The following IL5RA variants were observed in gnomAD, a reference collection of about 807,000 sequenced individuals.
IL5RA encodes interleukin-5 receptor subunit alpha.
Under a neutral mutation model 50.0 loss-of-function variants are expected in IL5RA, and 49 were observed. The ratio of observed to expected loss-of-function variants is 0.98; its 90% CI spans 0.78 to 1.24. The LOEUF is 1.24. Among genes scored for constraint, IL5RA ranks in the 50% most tolerant of loss-of-function variants. IL5RA has a pLI of 0.00. For synonymous variants in IL5RA, 202 were observed against 174.0 expected, an observed-to-expected ratio of 1.16 and a Z score of -1.26; for missense variants, 600 against 500.4, an observed-to-expected ratio of 1.20 and a Z score of -1.90.
chr3:3,105,597 T>TG (rs1195687414), intron 2 of IL5RA: 1 of 151,114 alleles, frequency 6.6e-6, no homozygotes, highest in Non-Finnish European at 1.5e-5. Flanking sequence ...AGAGTGTTTT[T>TG]TTTGTTTGTT....
At chr3:3,105,338 G>C (rs1180557828) in intron 2 of IL5RA, 1 of 162,382 alleles carries the variant, frequency 6.2e-6, no homozygotes, top group Non-Finnish European at 1.3e-5. Context: ...ATGCCTGGTG[G>C]AACCCAAGGT....
intron 9 of IL5RA, among the ~76,000 whole-genome samples, chr3:3,079,025 C>T (rs754012546): frequency 4.6e-5 from 7 of 152,042 alleles, no homozygotes; most frequent in Admixed American, 6.6e-5. Flanking sequence ...ACCTTGAAAC[C>T]GAGTCCTCAG....
chr3:3,096,027 C>T (rs1703346750), intron 7 of IL5RA, among the ~76,000 whole-genome samples: 1 of 152,096 alleles, frequency 6.6e-6, no homozygotes, highest in African/African-American at 2.4e-5. Context: ...GCCTGTAATC[C>T]CAGCACTTTG....
Position 3,095,326 on chromosome 3 carries a change from T to C in IL5RA, c.828A>G (p.Ile276Met), listed in dbSNP as rs1703307387. The C allele has an allele frequency of 6.2e-7, 1 of 1,603,110 alleles. No individual in the cohort carries two copies. The highest frequency in any genetic ancestry group is 1.3e-5 in the African/African-American group (1 of 74,718). The change falls in exon 8 of 12, where the codon ATA (isoleucine) becomes ATG (methionine). Residue 276 changes from isoleucine to methionine, a missense_variant. Coordinates refer to ENST00000446632, the MANE Select transcript of IL5RA (RefSeq NM_175726.4). ...PIHCFDYEVK[I>M]HNTRNGYLQI... ...GCAAATATCCATTCCTTGTATTGTG[T>C]ATTTTTACTTCATAATCAAAGCAAT...
At position 3,092,883 on chromosome 3, in the gene IL5RA, G is replaced by A. The variant is rs368278620; in HGVS notation, c.856-521C>T. ...ACCTGTATCTTGAATACCCCCGGAG[G>A]TGTTTCTCCCTTTTTTACTCCAGCC... On this transcript the variant is annotated intron_variant, in intron 8 of 11. Coordinates refer to ENST00000446632, the MANE Select transcript of IL5RA (RefSeq NM_175726.4). This position sits in a 1 kb window ranked among gnomAD's most constrained non-coding sequence, Gnocchi z 4.2. Among the ~76,000 whole-genome samples the A allele has an allele frequency of 6.6e-6, 1 of 152,070 alleles. No homozygotes were observed. The highest frequency in any genetic ancestry group is 1.5e-5 in the Non-Finnish European group (1 of 68,028).
At chr3:3,080,518 C>T (rs1702627374) in intron 9 of IL5RA, among the ~76,000 whole-genome samples, 1 of 152,188 alleles carries the variant, frequency 6.6e-6, no homozygotes, top group Non-Finnish European at 1.5e-5. Flanking sequence ...CCCTATAGCT[C>T]TCTGTGCTTC....
In IL5RA at chr3:3,097,885, C is replaced by T. The variant is rs1269173811; in HGVS notation, c.694G>A (p.Ala232Thr). 5.0e-6 allele frequency: 8 copies of T among 1,613,718 alleles called. No individual in the cohort carries two copies. Among genetic ancestry groups the T allele is most frequent in the Non-Finnish European group, 6.8e-6 (8 of 1,179,746 alleles). ...TCGGTCTTACCAATGGCGTGAAGGG[C>T]AAACAGCTGATCAAAGGGCCTGATA... The part of the protein sequence containing the change: ...SAIRPFDQLF[A>T]LHAIDQINPP... Residue 232 changes from alanine (A) to threonine (T), a missense_variant, in exon 7 of 12, where the codon GCC becomes ACC. Transcript: ENST00000446632.
intron 5 of IL5RA, among the ~76,000 whole-genome samples, 181 bp from the exon 6 acceptor site, chr3:3,098,471 G>A (rs549458841): frequency 1.3e-5 from 2 of 152,008 alleles, no homozygotes; most frequent in African/African-American, 2.4e-5. Flanking sequence ...GCAGTGTTGC[G>A]ATCTTGGCTC....
In IL5RA at chr3:3,110,211, C is replaced by T. The variant is rs1303163615; in HGVS notation, c.-412G>A. On this transcript the variant is annotated 5_prime_UTR_variant, in exon 1 of 12. Transcript: ENST00000446632. ...CCAAACTGCTGTCAAACGAAAGAAT[C>T]TCTCGTCCAGATAGCCATTATCTGA... 1.3e-5 allele frequency: 2 copies of T among 152,270 alleles called. No individual in the cohort carries two copies. Among genetic ancestry groups the T allele is most frequent in the Non-Finnish European group, 2.9e-5 (2 of 68,076 alleles). The allele number at this position is 152,270 out of a possible 1,614,324, so 9.4% of individuals were successfully genotyped here.
rs1189318161 is a variant in IL5RA, at chr3:3,089,803, T to G, written c.994+2421A>C. On this transcript the variant is annotated intron_variant, in intron 9 of 11. Coordinates refer to ENST00000446632, the MANE Select transcript of IL5RA (RefSeq NM_175726.4). Reference sequence around the variant, plus strand: ...ACGCCCAGCTAATTTTTTGTATTTTTAGTAGAGACAAGTTTCACCATGTTA... The same window carrying G: ...ACGCCCAGCTAATTTTTTGTATTTTGAGTAGAGACAAGTTTCACCATGTTA... Among the ~76,000 whole-genome samples the G allele has an allele frequency of 2.6e-5, 4 of 152,300 alleles. No homozygotes were observed. The East Asian group carries it at 7.7e-4, about 29-fold the overall frequency.
chr3:3,102,654 T>C (rs1703711133), intron 4 of IL5RA, 21 bp downstream of exon 4: 4 of 1,495,460 alleles, frequency 2.7e-6, no homozygotes, highest in Non-Finnish European at 3.6e-6. Context: ...AATAAGGATA[T>C]CCATTAGAAT....
At chr3:3,096,071 G>A (rs1475691513) in intron 7 of IL5RA, among the ~76,000 whole-genome samples, 1 of 152,114 alleles carries the variant, frequency 6.6e-6, no homozygotes. Context: ...GAGGTCAGGA[G>A]ATCGAAACCA....
chr3:3,075,543 C>T (rs1426206526), intron 10 of IL5RA, among the ~76,000 whole-genome samples: 1 of 151,732 alleles, frequency 6.6e-6, no homozygotes, highest in Non-Finnish European at 1.5e-5. Flanking sequence ...TGCCTTCCCC[C>T]AAACTGTAGA....
intron 9 of IL5RA, among the ~76,000 whole-genome samples, chr3:3,082,354 G>A (rs773354814): frequency 6.6e-6 from 1 of 152,204 alleles, no homozygotes; most frequent in Non-Finnish European, 1.5e-5. Context: ...GGAAGTCACA[G>A]ATGTTTCTTT....
At position 3,096,934 on chromosome 3, in the gene IL5RA, T is replaced by A. The variant is rs1703393468; in HGVS notation, c.709+936A>T. Among the ~76,000 whole-genome samples the A allele has an allele frequency of 2.6e-5, 4 of 152,202 alleles. No individual in the cohort carries two copies. In the South Asian group the frequency reaches 8.3e-4, roughly 32 times the overall value. ...ATTCTCACGAAGACTGCACAGGAAGTATTGATTCCTCTCCATTGTTTCAGA... is the reference window on the plus strand; with the variant it reads ...ATTCTCACGAAGACTGCACAGGAAGAATTGATTCCTCTCCATTGTTTCAGA... On this transcript the variant is annotated intron_variant, in intron 7 of 11. Transcript: ENST00000446632.
At chr3:3,088,072 G>A (rs561061939) in intron 9 of IL5RA, among the ~76,000 whole-genome samples, 10 of 152,244 alleles carry the variant, frequency 6.6e-5, no homozygotes, top group Admixed American at 2.6e-4. Context: ...TGGCAACGAG[G>A]TACACCTGGG....
At chr3:3,095,798 A>T (rs1703334638) in intron 7 of IL5RA, among the ~76,000 whole-genome samples, 1 of 152,084 alleles carries the variant, frequency 6.6e-6, no homozygotes, top group Non-Finnish European at 1.5e-5. Flanking sequence ...CTGACCACTG[A>T]GAGAACATTT....
Position 3,104,975 on chromosome 3 carries a change from C to G in IL5RA, c.10G>C (p.Val4Leu), listed in dbSNP as rs200813490. ...AAAAGGATGAGTAATACATGCGCCA[C>G]GATGATCATATCCTACAGAAAACAA... MIIVAHVLLILLGA... is the reference protein window; with the variant it reads MIILAHVLLILLGA... The change falls in exon 3 of 12, where the codon GTG (valine) becomes CTG (leucine). Residue 4 changes from valine to leucine, a missense_variant. Physicochemically the swap from Val to Leu is conservative, Grantham distance 32 (BLOSUM62 1). Transcript: ENST00000446632. The G allele has an allele frequency of 6.2e-7, 1 of 1,610,178 alleles. No individual in the cohort carries two copies. The highest frequency in any genetic ancestry group is 8.5e-7 in the Non-Finnish European group (1 of 1,177,006).
At position 3,069,153 on chromosome 3, in the gene IL5RA, T is replaced by A. The variant is rs1702217980; in HGVS notation, c.*1072A>T. On this transcript the variant is annotated 3_prime_UTR_variant, in exon 12 of 12. Transcript: ENST00000446632. ...CATGTGGAATCAGCACTGTTTGGGT[T>A]CCTTCCTCTTGCCCACCTCTGCCCA... is the stretch of plus-strand genomic sequence containing the variant. 6.6e-6 allele frequency: 1 copy of A among 152,244 alleles called. No individual in the cohort carries two copies. The highest frequency in any genetic ancestry group is 2.1e-4 in the South Asian group (1 of 4,828). The allele number at this position is 152,244 out of a possible 1,614,324, so 9.4% of individuals were successfully genotyped here. A position where few individuals can be genotyped will look rare whatever the true frequency, so the allele number is the denominator to read the frequency against.
Sources: gnomAD v4.1 joint callset for allele counts (sites outside exome capture counted in the v4.1 genomes callset) on GRCh38, gnomAD v4.1.1 for gene constraint, Gnocchi (gnomAD v3.1) non-coding constraint, MANE v1.5 for transcripts, NCBI Gene and HGNC (gene_info 2026-07-23, HGNC 2026-07-21) for gene names.